ACACA: variants seen among roughly 807,000 people sequenced by gnomAD.
The protein encoded by ACACA is acetyl-CoA carboxylase 1.
A neutral mutation model predicts 296.1 loss-of-function variants in ACACA; 103 were observed. The observed-to-expected ratio is 0.35, with a 90% CI of 0.30 to 0.41. ACACA has a LOEUF of 0.41. ACACA is among the 10% of genes least tolerant of loss of function. ACACA has a pLI of 1.00. For synonymous variants in ACACA, 953 were observed against 1,038.6 expected (o/e 0.92, Z 1.58); for missense variants, 1,554 against 2,989.7 (o/e 0.52, Z 11.20).
At chr17:37,170,280 T>G (rs1410584455) in intron 41 of ACACA, among the ~76,000 whole-genome samples, 1 of 151,946 alleles carries the variant, frequency 6.6e-6, no homozygotes, top group East Asian at 1.9e-4. Context: ...TTGGCTACAT[T>G]CTGATTCTGG....
intron 29 of ACACA, among the ~76,000 whole-genome samples, chr17:37,212,077 G>A (rs563597539): frequency 6.6e-6 from 1 of 152,210 alleles, no homozygotes; most frequent in East Asian, 1.9e-4. Context: ...AAAGAAAGGG[G>A]CCGCCTGCAC....
intron 1 of ACACA, among the ~76,000 whole-genome samples, chr17:37,364,853 T>C (rs1455806481): frequency 6.6e-6 from 1 of 152,202 alleles, no homozygotes; most frequent in Non-Finnish European, 1.5e-5. Context: ...TTTTCTCCTG[T>C]TTTTCTGAAT....
chr17:37,229,448 C>T (rs1009489133), intron 25 of ACACA, among the ~76,000 whole-genome samples: 8 of 151,578 alleles, frequency 5.3e-5, no homozygotes, highest in Admixed American at 1.3e-4. Context: ...GGACTACAGG[C>T]GCCCGCCACC....
At chr17:37,330,523 T>G in intron 2 of ACACA, 98 bp from the exon 3 acceptor site, 1 of 1,502,804 alleles carries the variant, frequency 6.7e-7, no homozygotes, top group African/African-American at 1.4e-5. Flanking sequence ...AGCTGAGACG[T>G]GGAAGCAAGG....
Position 37,129,358 on chromosome 17 carries a change from T to C in ACACA, c.5944+7A>G, listed in dbSNP as rs2074979910. Reference sequence around the variant, plus strand: ...AGGTACCATGGGGTCCTCAAACATATACATACTTGGGTGAGGACGGCCTGC... The same window carrying C: ...AGGTACCATGGGGTCCTCAAACATACACATACTTGGGTGAGGACGGCCTGC... On this transcript the variant is annotated splice_region_variant and intron_variant, in intron 47 of 55. Coordinates refer to ENST00000616317, the MANE Select transcript of ACACA (RefSeq NM_198834.3). 6.2e-7 allele frequency: 1 copy of C among 1,613,992 alleles called. No individual in the cohort carries two copies. The highest frequency in any genetic ancestry group is 8.5e-7 in the Non-Finnish European group (1 of 1,179,942).
chr17:37,086,438 G>C lies in ACACA; in HGVS notation c.*878C>G, dbSNP rs1005330529. On this transcript the variant is annotated 3_prime_UTR_variant, in exon 56 of 56. Coordinates refer to ENST00000616317, the MANE Select transcript of ACACA (RefSeq NM_198834.3). ...TGGCATAAATAACTAGTTTCCACCA[G>C]TGCAGAAAGGGCAGTTCTCTTCTGG... The C allele has an allele frequency of 2.6e-5, 4 of 152,250 alleles. No homozygotes were observed. Among genetic ancestry groups the C allele is most frequent in the African/African-American group, 9.7e-5 (4 of 41,438 alleles). 9.4% of individuals were successfully genotyped at this position (152,250 alleles called of 1,614,324 possible). A position where few individuals can be genotyped will look rare whatever the true frequency, so the allele number is the denominator to read the frequency against.
rs2072570022 is a variant in ACACA, at chr17:37,090,802, TCATTGG to T, written c.6892-1734_6892-1729del. Reference sequence around the variant, plus strand: ...CTAAATTTCAACATTTCCATTTCCATCATTGGCAATTTACTCTTCTGCTCCGTGGTT... The same window carrying T: ...CTAAATTTCAACATTTCCATTTCCATCAATTTACTCTTCTGCTCCGTGGTT... On this transcript the variant is annotated intron_variant, in intron 54 of 55. Transcript: ENST00000616317. 5.9e-5 allele frequency among the ~76,000 whole-genome samples: 9 copies of T among 152,210 alleles called. 1 individual carries two copies. In the South Asian group the frequency reaches 1.9e-3, roughly 32 times the overall value.
intron 50 of ACACA, among the ~76,000 whole-genome samples, chr17:37,120,249 C>T (rs970807851): frequency 2.0e-5 from 3 of 151,446 alleles, no homozygotes; most frequent in Non-Finnish European, 4.4e-5. Context: ...CTCCCTCCTT[C>T]CCCTAACCTA....
chr17:37,228,078 T>C (rs2079634787), intron 25 of ACACA, among the ~76,000 whole-genome samples: 1 of 152,000 alleles, frequency 6.6e-6, no homozygotes, highest in African/African-American at 2.4e-5. Context: ...TAGACCTTTA[T>C]CACAGAAGTA....
chr17:37,143,746 G>A lies in ACACA; in HGVS notation c.5679+6118C>T. The A allele has an allele frequency of 6.5e-6, 6 of 928,020 alleles. No homozygotes were observed. The South Asian group carries it at 6.6e-5, about 10-fold the overall frequency. The allele number at this position is 928,020 out of a possible 1,614,324, so 57.5% of individuals were successfully genotyped here. On this transcript the variant is annotated intron_variant, in intron 45 of 55. Coordinates refer to ENST00000616317, the MANE Select transcript of ACACA (RefSeq NM_198834.3). ...CCTCTTCATCTTCCTCATCTTCCTT[G>A]TTTTTCTTGCTTTTTCGGCCTTGGC...
intron 3 of ACACA, among the ~76,000 whole-genome samples, chr17:37,320,657 G>A (rs117987468): frequency 0.02 from 3,076 of 151,358 alleles, 35 homozygotes; most frequent in Middle Eastern, 0.049. Context: ...CATAAATTGT[G>A]GGCAATAGGC....
intron 3 of ACACA, among the ~76,000 whole-genome samples, chr17:37,318,617 G>C (rs1171965924): frequency 6.6e-6 from 1 of 152,114 alleles, no homozygotes; most frequent in African/African-American, 2.4e-5. Context: ...TCATCAAAAG[G>C]CTTTCAGACC....
chr17:37,370,016 T>C (rs1208397181), intron 1 of ACACA, among the ~76,000 whole-genome samples: 1 of 150,590 alleles, frequency 6.6e-6, no homozygotes, highest in Non-Finnish European at 1.5e-5. Flanking sequence ...CCTCCTTTTT[T>C]TTTTTTTTTT....
At position 37,381,912 on chromosome 17, in the gene ACACA, C is replaced by T. The variant is rs564391693; in HGVS notation, c.38+24350G>A. Among the ~76,000 whole-genome samples the T allele has an allele frequency of 7.9e-5, 12 of 152,322 alleles. No homozygotes were observed. In the South Asian group the frequency reaches 1.7e-3, roughly 21 times the overall value. ...AAAGTGCTGGGATTACAGGCGTGAG[C>T]CACTGCACCCGGCCATGTCTCTTCT... On this transcript the variant is annotated intron_variant, in intron 1 of 55. Transcript: ENST00000616317.
At chr17:37,403,520 C>T (rs1003613242) in intron 1 of ACACA, among the ~76,000 whole-genome samples, 2 of 151,920 alleles carry the variant, frequency 1.3e-5, no homozygotes, top group African/African-American at 2.4e-5. Flanking sequence ...TACAGGCATG[C>T]GCCACTACAC....
intron 45 of ACACA, chr17:37,141,352 G>A (rs941317569): frequency 4.4e-5 from 19 of 434,324 alleles, no homozygotes; most frequent in Admixed American, 2.7e-4. Flanking sequence ...CCCTGTTCAC[G>A]GCCATGGTCC....
chr17:37,127,454 T>G (rs2074843631), intron 47 of ACACA, among the ~76,000 whole-genome samples: 1 of 152,158 alleles, frequency 6.6e-6, no homozygotes, highest in African/African-American at 2.4e-5. Flanking sequence ...TGCAGAACCT[T>G]AGAAGCCGGC....
intron 8 of ACACA, among the ~76,000 whole-genome samples, chr17:37,275,660 C>A (rs2082257949): frequency 6.6e-6 from 1 of 152,094 alleles, no homozygotes; most frequent in Non-Finnish European, 1.5e-5. Context: ...CTAGCCTACC[C>A]AGAGTACATC....
At chr17:37,149,355 A>T (rs111901725) in intron 45 of ACACA, among the ~76,000 whole-genome samples, 5 of 152,332 alleles carry the variant, frequency 3.3e-5, no homozygotes, top group African/African-American at 1.2e-4. Flanking sequence ...ATTTCACAAA[A>T]TCATTAAAAC....
Sources: gnomAD v4.1 joint callset for allele counts (sites outside exome capture counted in the v4.1 genomes callset) on GRCh38, gnomAD v4.1.1 for gene constraint, MANE v1.5 for transcripts, NCBI Gene and HGNC (gene_info 2026-07-23, HGNC 2026-07-21) for gene names.